Variants in PTPRD observed in about 807,000 individuals in gnomAD.
PTPRD encodes the protein receptor-type tyrosine-protein phosphatase delta.
PTPRD carries 34 observed loss-of-function variants against 214.5 expected under a neutral mutation model. That is an observed-to-expected ratio of 0.16 (90% CI 0.12 to 0.21). The LOEUF is 0.21. Ranked by LOEUF, PTPRD falls within the 10% of genes least tolerant of loss-of-function variation. The probability of loss-of-function intolerance (pLI) is 1.00; values close to 1 mark genes in which losing one functional copy is unlikely to be tolerated. For missense variants in PTPRD, 2,545 were observed against 2,398.7 expected (o/e 1.06, Z -1.27); for synonymous variants, 1,128 against 845.7 (o/e 1.33, Z -5.79).
chr9:8,478,479 T>C (rs1400609438), intron 30 of PTPRD, among the ~76,000 whole-genome samples: 1 of 152,118 alleles, frequency 6.6e-6, no homozygotes, highest in African/African-American at 2.4e-5. Flanking sequence ...TAAAATTAAT[T>C]TACATTGAGT....
At chr9:10,570,509 A>T (rs745599493) in intron 2 of PTPRD, among the ~76,000 whole-genome samples, 102 of 152,216 alleles carry the variant, frequency 6.7e-4, no homozygotes, top group Non-Finnish European at 1.1e-3. Context: ...AATAGAACAA[A>T]CCTTATGTAA....
intron 14 of PTPRD, among the ~76,000 whole-genome samples, chr9:8,545,475 G>T (rs2079813616): frequency 6.6e-6 from 1 of 152,160 alleles, no homozygotes; most frequent in African/African-American, 2.4e-5. Flanking sequence ...AGGACATGAG[G>T]TAGTTCCGAG....
intron 7 of PTPRD, among the ~76,000 whole-genome samples, chr9:9,673,794 G>A (rs905781579): frequency 2.7e-5 from 4 of 150,484 alleles, no homozygotes; most frequent in African/African-American, 7.3e-5. Context: ...AAAAGATCAG[G>A]AAAGACAGAT....
chr9:8,977,107 C>T (rs991963183), intron 11 of PTPRD, among the ~76,000 whole-genome samples: 5 of 152,102 alleles, frequency 3.3e-5, no homozygotes, highest in Admixed American at 2.6e-4. Context: ...TTACCAAGTC[C>T]TGTCGATTCT....
intron 10 of PTPRD, among the ~76,000 whole-genome samples, chr9:9,160,286 C>A (rs1356736899): frequency 1.3e-5 from 2 of 151,966 alleles, no homozygotes; most frequent in Non-Finnish European, 2.9e-5. Context: ...ATTTGCAAAC[C>A]ATTAATGTGA....
At chr9:10,160,393 C>T (rs908522317) in intron 3 of PTPRD, among the ~76,000 whole-genome samples, 1 of 151,982 alleles carries the variant, frequency 6.6e-6, no homozygotes. Context: ...AATCTGTTGG[C>T]TTCACTGCTG....
intron 9 of PTPRD, among the ~76,000 whole-genome samples, chr9:9,287,144 G>A (rs753364857): frequency 9.3e-5 from 14 of 151,110 alleles, no homozygotes; most frequent in Non-Finnish European, 2.1e-4. Context: ...AGAATCGCTT[G>A]AACCTTGGAG....
At chr9:8,400,028 T>A (rs886854776) in intron 36 of PTPRD, among the ~76,000 whole-genome samples, 3 of 147,612 alleles carry the variant, frequency 2.0e-5, no homozygotes, top group Non-Finnish European at 3.0e-5. Flanking sequence ...TTATAATGTC[T>A]TGTCTTTGTT....
At position 8,497,184 on chromosome 9, in the gene PTPRD, G is replaced by A. The variant is rs762498635; in HGVS notation, c.2349+58C>T. 160 of 1,405,030 alleles carry A rather than the reference G, an allele frequency of 1.1e-4. No individual in the cohort carries two copies. The Admixed American group carries it at 1.2e-3, about 10-fold the overall frequency. 87.0% of individuals were successfully genotyped at this position (1,405,030 alleles called of 1,614,324 possible). A position where few individuals can be genotyped will look rare whatever the true frequency, so the allele number is the denominator to read the frequency against. On this transcript the variant is annotated intron_variant, in intron 26 of 45. Transcript: ENST00000381196. ...ACAGATCACAAATAAGTGAAAGGATGTCAGAGAAAACAAGCATATATAGTC... is the reference window on the plus strand; with the variant it reads ...ACAGATCACAAATAAGTGAAAGGATATCAGAGAAAACAAGCATATATAGTC...
intron 12 of PTPRD, among the ~76,000 whole-genome samples, chr9:8,668,004 T>G (rs1186752992): frequency 2.0e-5 from 3 of 152,064 alleles, no homozygotes; most frequent in African/African-American, 7.2e-5. Context: ...GATCACTAAT[T>G]AGAAAATAAA....
At chr9:8,882,577 G>A (rs2098455265) in intron 11 of PTPRD, among the ~76,000 whole-genome samples, 2 of 152,068 alleles carry the variant, frequency 1.3e-5, no homozygotes, top group Admixed American at 1.3e-4. Flanking sequence ...ACCAAACTGA[G>A]GGACTGTGAT....
intron 9 of PTPRD, among the ~76,000 whole-genome samples, chr9:9,391,024 G>A (rs981347697): frequency 2.6e-5 from 4 of 152,142 alleles, no homozygotes; most frequent in Non-Finnish European, 2.9e-5. Flanking sequence ...GCATTATTAA[G>A]TTGAGCTTTG....
chr9:8,320,668 T>TAAGAGCCATTGAAAAAATGGTG (rs1563880749), intron 44 of PTPRD, among the ~76,000 whole-genome samples: 3 of 152,132 alleles, frequency 2.0e-5, no homozygotes, highest in African/African-American at 7.2e-5. Flanking sequence ...AAAAAATGGT[T>TAAGAGCCATTGAAAAAATGGTG]AAGAGCCATT....
chr9:9,649,744 A>G (rs555614994), intron 7 of PTPRD, among the ~76,000 whole-genome samples: 66 of 152,226 alleles, frequency 4.3e-4, no homozygotes, highest in Non-Finnish European at 8.2e-4. Flanking sequence ...ATACAATTAC[A>G]GATATATTTA....
chr9:10,175,177 A>G (rs1376725847), intron 3 of PTPRD, among the ~76,000 whole-genome samples: 1 of 152,104 alleles, frequency 6.6e-6, no homozygotes, highest in Non-Finnish European at 1.5e-5. Context: ...TGTGCCTGCA[A>G]TAGTACTGCT....
chr9:9,307,311 C>T (rs1333829402), intron 9 of PTPRD, among the ~76,000 whole-genome samples: 2 of 152,126 alleles, frequency 1.3e-5, no homozygotes, highest in African/African-American at 2.4e-5. Context: ...AGGCTAGGCA[C>T]GTACCAGCAA....
chr9:8,510,697 T>C (rs1452139788), intron 21 of PTPRD, among the ~76,000 whole-genome samples: 1 of 152,126 alleles, frequency 6.6e-6, no homozygotes, highest in Admixed American at 6.6e-5. Flanking sequence ...AAGAGTGCAC[T>C]ACCCACACTT....
chr9:9,606,838 G>T (rs545014505), intron 7 of PTPRD, among the ~76,000 whole-genome samples: 7 of 151,730 alleles, frequency 4.6e-5, no homozygotes, highest in South Asian at 2.1e-4. Context: ...CACACAGATT[G>T]TGTCTGACTA....
chr9:10,077,995 T>C (rs374009021), intron 3 of PTPRD, among the ~76,000 whole-genome samples: 1 of 152,080 alleles, frequency 6.6e-6, no homozygotes, highest in East Asian at 1.9e-4. Context: ...ACTTTAAAAA[T>C]AGTAATTGAT....
Sources: gnomAD v4.1 joint callset for allele counts (sites outside exome capture counted in the v4.1 genomes callset) on GRCh38, gnomAD v4.1.1 for gene constraint, MANE v1.5 for transcripts, NCBI Gene and HGNC (gene_info 2026-07-23, HGNC 2026-07-21) for gene names.